ALMS1: variants seen among roughly 807,000 people sequenced by gnomAD.
The protein encoded by ALMS1 is ALMS1 centrosome and basal body associated protein, also known as centrosome-associated protein ALMS1.
ALMS1 carries 271 observed loss-of-function variants against 352.2 expected under a neutral mutation model. That is an observed-to-expected ratio of 0.77 (90% CI 0.70 to 0.85). The LOEUF (loss-of-function observed/expected upper bound fraction) is 0.85. Among genes scored for constraint, ALMS1 ranks in the 40% least tolerant of loss-of-function variants. ALMS1 has a pLI of 0.00. For missense variants in ALMS1, 5,445 were observed against 4,870.7 expected (o/e 1.12, Z -3.51); for synonymous variants, 1,865 against 1,761.2 (o/e 1.06, Z -1.48).
chr2:73,450,889 A>G lies in ALMS1; in HGVS notation c.4362A>G (p.Glu1454=). 6.2e-7 allele frequency: 1 copy of G among 1,614,076 alleles called. No individual in the cohort carries two copies. The highest frequency in any genetic ancestry group is 8.5e-7 in the Non-Finnish European group (1 of 1,179,976). ...GTCATCTACCTGAAGAGGCTTTGGA[A>G]GTTTCAGTTGCTCCTGGACCAGTTG... ...PHSHLPEEAL[E]VSVAPGPVDQ... The change falls in exon 8 of 23, where the codon GAA becomes GAG. Residue 1454 remains glutamate (E), a synonymous_variant. Coordinates refer to ENST00000613296, the MANE Select transcript of ALMS1 (RefSeq NM_001378454.1).
At chr2:73,425,504 G>A (rs1339452434) in intron 5 of ALMS1, among the ~76,000 whole-genome samples, 1 of 152,152 alleles carries the variant, frequency 6.6e-6, no homozygotes. Context: ...CAGAACAACT[G>A]TATTTTCAAG....
At chr2:73,603,519 A>G (rs1675747085) in intron 21 of ALMS1, 1 of 550,278 alleles carries the variant, frequency 1.8e-6, no homozygotes, top group Non-Finnish European at 3.3e-6. Context: ...CTTCTCACTA[A>G]TTTGCATGTC....
At chr2:73,545,283 C>T (rs925449794) in intron 12 of ALMS1, among the ~76,000 whole-genome samples, 1 of 151,316 alleles carries the variant, frequency 6.6e-6, no homozygotes, top group African/African-American at 2.4e-5. Flanking sequence ...CAGATTCAAG[C>T]AGTTCTCCTG....
At chr2:73,574,889 G>T (rs1333006976) in intron 16 of ALMS1, among the ~76,000 whole-genome samples, 1 of 152,066 alleles carries the variant, frequency 6.6e-6, no homozygotes. Context: ...AATTAACCCA[G>T]TGGAAACCCT....
chr2:73,517,078 T>C (rs563767293), intron 10 of ALMS1, among the ~76,000 whole-genome samples: 1 of 152,116 alleles, frequency 6.6e-6, no homozygotes, highest in South Asian at 2.1e-4. Context: ...AATTGACCTT[T>C]TTTTTCTTTT....
intron 16 of ALMS1, among the ~76,000 whole-genome samples, chr2:73,582,617 G>C (rs2104135550): frequency 6.6e-6 from 1 of 152,282 alleles, no homozygotes; most frequent in Admixed American, 6.5e-5. Flanking sequence ...GTGTAATCAT[G>C]CAGATTTGTC....
At chr2:73,464,889 G>C (rs1672295868) in intron 9 of ALMS1, among the ~76,000 whole-genome samples, 1 of 152,126 alleles carries the variant, frequency 6.6e-6, no homozygotes, top group African/African-American at 2.4e-5. Flanking sequence ...CAACTTACAA[G>C]GGATGGAAGG....
chr2:73,444,833 G>T (rs1671776023), intron 7 of ALMS1, among the ~76,000 whole-genome samples: 1 of 152,046 alleles, frequency 6.6e-6, no homozygotes, highest in African/African-American at 2.4e-5. Context: ...TATAGTTTAA[G>T]ATAATGAATG....
intron 16 of ALMS1, among the ~76,000 whole-genome samples, chr2:73,587,138 C>T (rs1385938999): frequency 1.3e-5 from 2 of 152,144 alleles, no homozygotes; most frequent in African/African-American, 4.8e-5. Context: ...TATCCTGTAA[C>T]TTTACTGAAT....
chr2:73,588,818 G>A (rs1229874382), intron 16 of ALMS1, among the ~76,000 whole-genome samples: 1 of 152,028 alleles, frequency 6.6e-6, no homozygotes, highest in African/African-American at 2.4e-5. Flanking sequence ...CCAACTAAAT[G>A]TTTATTAATG....
At chr2:73,529,839 A>T (rs1558682771) in intron 11 of ALMS1, among the ~76,000 whole-genome samples, 1 of 152,162 alleles carries the variant, frequency 6.6e-6, no homozygotes, top group Non-Finnish European at 1.5e-5. Context: ...GTGAAGGGAA[A>T]GCAAGGCACG....
In ALMS1 at chr2:73,450,183, C is replaced by A. The variant is rs1279769660; in HGVS notation, c.3656C>A (p.Ser1219Ter). ...SHIPEEAQKV[S>*]PVLGPADQKT... Reference sequence around the variant, plus strand: ...ATACCTGAAGAGGCACAGAAAGTTTCACCTGTTCTTGGACCAGCTGACCAG... The same window carrying A: ...ATACCTGAAGAGGCACAGAAAGTTTAACCTGTTCTTGGACCAGCTGACCAG... The change falls in exon 8 of 23, where the codon TCA (serine) becomes TAA (stop). Residue 1219 changes from serine to a stop codon, truncating the protein, a stop_gained. Transcript: ENST00000613296. LOFTEE classifies it high-confidence loss of function. 1 of 1,613,978 alleles carries A rather than the reference C, an allele frequency of 6.2e-7. No individual in the cohort carries two copies. Among genetic ancestry groups the A allele is most frequent in the African/African-American group, 1.3e-5 (1 of 74,898 alleles).
At chr2:73,608,389 A>G (rs530650836) in intron 21 of ALMS1, 86 bp from the exon 22 acceptor site, 22 of 1,042,960 alleles carry the variant, frequency 2.1e-5, no homozygotes, top group South Asian at 1.8e-4. Context: ...TGGGAGGTAT[A>G]GGGAGGGATG....
chr2:73,451,428 A>G lies in ALMS1; in HGVS notation c.4901A>G (p.Asp1634Gly). Residue 1634 changes from aspartate (D) to glycine (G), a missense_variant, in exon 8 of 23, where the codon GAC becomes GGC. Coordinates refer to ENST00000613296, the MANE Select transcript of ALMS1 (RefSeq NM_001378454.1). ...ACTTTCTACCGGCAGGCTCTGCTAGACAGTCCTCTAAATAAAGAGGTTGTG... is the reference window on the plus strand; with the variant it reads ...ACTTTCTACCGGCAGGCTCTGCTAGGCAGTCCTCTAAATAAAGAGGTTGTG... ...PITFYRQALL[D>G]SPLNKEVVKV... is the part of the protein sequence containing the mutation. 1 of 1,613,456 alleles carries G rather than the reference A, an allele frequency of 6.2e-7. No individual in the cohort carries two copies. The highest frequency in any genetic ancestry group is 1.1e-5 in the South Asian group (1 of 91,034).
At position 73,453,079 on chromosome 2, in the gene ALMS1, T is replaced by A. The variant is rs1314059869; in HGVS notation, c.6552T>A (p.Val2184=). ...QADQITGLQT[V]PSGTYSHGEN... is the part of the protein sequence containing the mutation. ...ATCAAATTACCGGATTACAAACAGTTCCCTCTGGTACTTACTCACATGGTG... is the reference window on the plus strand; with the variant it reads ...ATCAAATTACCGGATTACAAACAGTACCCTCTGGTACTTACTCACATGGTG... Residue 2184 remains valine, a synonymous_variant, in exon 8 of 23, where the codon GTT becomes GTA. Coordinates refer to ENST00000613296, the MANE Select transcript of ALMS1 (RefSeq NM_001378454.1). 8 of 1,614,058 alleles carry A rather than the reference T, an allele frequency of 5.0e-6. No homozygotes were observed. In the South Asian group the frequency reaches 8.8e-5, roughly 18 times the overall value.
intron 9 of ALMS1, among the ~76,000 whole-genome samples, chr2:73,482,249 C>T (rs553203217): frequency 9.2e-5 from 14 of 152,110 alleles, no homozygotes; most frequent in South Asian, 2.1e-4. Flanking sequence ...TGAAATACGT[C>T]CCATCAATAC....
chr2:73,438,403 G>C (rs1200426604), intron 7 of ALMS1, among the ~76,000 whole-genome samples: 1 of 152,122 alleles, frequency 6.6e-6, no homozygotes, highest in Non-Finnish European at 1.5e-5. Context: ...AACATAATTT[G>C]AATAGTTTAG....
chr2:73,480,265 T>C (rs1295824198), intron 9 of ALMS1, among the ~76,000 whole-genome samples: 7 of 151,698 alleles, frequency 4.6e-5, no homozygotes, highest in African/African-American at 1.2e-4. Context: ...TGTGATATTC[T>C]CCTTCCTGTG....
chr2:73,535,445 G>C (rs192771973), intron 12 of ALMS1, among the ~76,000 whole-genome samples: 34 of 152,120 alleles, frequency 2.2e-4, no homozygotes, highest in African/African-American at 7.7e-4. Flanking sequence ...GTAGCTGTTG[G>C]ACACTGTGCA....
Sources: allele counts gnomAD v4.1 joint callset (sites outside exome capture counted in the v4.1 genomes callset), GRCh38; gene constraint gnomAD v4.1.1; transcripts MANE v1.5; gene names NCBI Gene and HGNC (gene_info 2026-07-23, HGNC 2026-07-21).